SH3PXD2B: variants seen among roughly 807,000 people sequenced by gnomAD.
SH3PXD2B encodes the protein SH3 and PX domain-containing protein 2B.
SH3PXD2B carries 37 observed loss-of-function variants against 73.1 expected under a neutral mutation model. The ratio of observed to expected loss-of-function variants is 0.51; its 90% CI spans 0.39 to 0.67. The LOEUF is 0.67. Ranked by LOEUF, SH3PXD2B falls within the 30% of genes least tolerant of loss-of-function variation. The probability of loss-of-function intolerance (pLI) is 0.00; values close to 1 mark genes in which losing one functional copy is unlikely to be tolerated. For missense variants in SH3PXD2B, 1,053 were observed against 1,197.8 expected, an observed-to-expected ratio of 0.88 and a Z score of 1.78; for synonymous variants, 457 against 480.5, an observed-to-expected ratio of 0.95 and a Z score of 0.64.
Position 172,338,737 on chromosome 5 carries a change from C to T in SH3PXD2B, c.2368G>A (p.Ala790Thr), listed in dbSNP as rs1158134285. Residue 790 changes from alanine to threonine, a missense_variant, in exon 13 of 13, where the codon GCA (alanine) becomes ACA (threonine). By Grantham distance (58) the Ala-to-Thr change is moderately conservative. Around this residue, in one of 2 missense-constraint regions of SH3PXD2B, gnomAD observed 587 missense variants for 590.7 expected, o/e 0.99. Coordinates refer to ENST00000311601, the MANE Select transcript of SH3PXD2B (RefSeq NM_001017995.3). This position sits in a 1 kb window ranked among gnomAD's most constrained non-coding sequence, Gnocchi z 5.1. ...GPQCEGHESR[A>T]APTPGRALLV... ...AGAGCACGGCCTGGGGTGGGAGCTG[C>T]CCTGCTTTCGTGGCCTTCACACTGT... 6.2e-7 allele frequency: 1 copy of T among 1,614,092 alleles called. No homozygotes were observed. Among genetic ancestry groups the T allele is most frequent in the African/African-American group, 1.3e-5 (1 of 74,916 alleles).
intron 10 of SH3PXD2B, among the ~76,000 whole-genome samples, chr5:172,349,516 G>A (rs1581266538): frequency 6.6e-6 from 1 of 152,306 alleles, no homozygotes; most frequent in East Asian, 1.9e-4. Context: ...AGATGGGAGA[G>A]GCACTGTGTT....
At chr5:172,362,690 C>T (rs530502042) in intron 7 of SH3PXD2B, 45 bp downstream of exon 7, 2 of 1,613,832 alleles carry the variant, frequency 1.2e-6, no homozygotes, top group East Asian at 4.5e-5. Flanking sequence ...GTCCCAGGGG[C>T]TTGGTGGCAG....
At chr5:172,406,441 G>T in intron 2 of SH3PXD2B, 89 bp from the exon 3 acceptor site, 2 of 1,444,898 alleles carry the variant, frequency 1.4e-6, no homozygotes, top group Non-Finnish European at 1.9e-6. Flanking sequence ...TGTGAAATAT[G>T]TGATGTGATA....
chr5:172,448,664 G>C (rs1398640779), intron 1 of SH3PXD2B, among the ~76,000 whole-genome samples: 1 of 152,246 alleles, frequency 6.6e-6, no homozygotes, highest in Non-Finnish European at 1.5e-5. Context: ...AGCAGGGCTG[G>C]AGCACAGATT....
intron 1 of SH3PXD2B, 28 bp downstream of exon 1, chr5:172,454,250 G>A (rs1759876651): frequency 1.1e-5 from 17 of 1,585,666 alleles, no homozygotes; most frequent in Admixed American, 1.7e-5. Flanking sequence ...GCGGGCTCAA[G>A]GGGGCGTGGG....
intron 2 of SH3PXD2B, among the ~76,000 whole-genome samples, chr5:172,409,335 C>CAA (rs199927291): frequency 0.015 from 2,288 of 152,186 alleles, 54 homozygotes; most frequent in African/African-American, 0.052. Context: ...CGAGCCGAGA[C>CAA]CGCGCCATTG....
At chr5:172,389,859 C>A (rs926873720) in intron 4 of SH3PXD2B, among the ~76,000 whole-genome samples, 2 of 152,182 alleles carry the variant, frequency 1.3e-5, no homozygotes, top group Admixed American at 6.5e-5. Context: ...GAGGGATCAT[C>A]TGTCCCCACA....
Position 172,336,565 on chromosome 5 carries a change from G to C in SH3PXD2B, c.*1804C>G. ...TGGAGCTGGGAGGCGCGGCAGAAGA[G>C]GGCTGTTCAAGCAAAACTTTGGCAC... On this transcript the variant is annotated 3_prime_UTR_variant, in exon 13 of 13. Transcript: ENST00000311601. 1 of 986,132 alleles carries C rather than the reference G, an allele frequency of 1.0e-6. No homozygotes were observed. The highest frequency in any genetic ancestry group is 1.7e-5 in the African/African-American group (1 of 57,382). The allele number at this position is 986,132 out of a possible 1,614,324, so 61.1% of individuals were successfully genotyped here.
At chr5:172,408,413 C>T (rs1441032465) in intron 2 of SH3PXD2B, among the ~76,000 whole-genome samples, 2 of 151,944 alleles carry the variant, frequency 1.3e-5, no homozygotes, top group Admixed American at 6.6e-5. Flanking sequence ...GGACTATAGG[C>T]GTGTGCCACC....
intron 1 of SH3PXD2B, among the ~76,000 whole-genome samples, chr5:172,446,945 A>G (rs1759679032): frequency 6.6e-6 from 1 of 152,164 alleles, no homozygotes. Context: ...GGAAAGCCAC[A>G]TCCAGAGACC....
chr5:172,453,192 C>T (rs972637829), intron 1 of SH3PXD2B, among the ~76,000 whole-genome samples: 1 of 152,172 alleles, frequency 6.6e-6, no homozygotes, highest in Non-Finnish European at 1.5e-5. Flanking sequence ...ACGCCCTTTT[C>T]TATTCATTGT....
intron 1 of SH3PXD2B, among the ~76,000 whole-genome samples, chr5:172,453,828 G>A (rs2113529453): frequency 6.6e-6 from 1 of 152,304 alleles, no homozygotes; most frequent in African/African-American, 2.4e-5. Context: ...GAACCCTAGA[G>A]GGGCTACCTG....
intron 1 of SH3PXD2B, among the ~76,000 whole-genome samples, chr5:172,442,467 A>C (rs980750854): frequency 6.6e-6 from 1 of 152,218 alleles, no homozygotes; most frequent in Admixed American, 6.5e-5. Context: ...GTAAGGCTAT[A>C]TATATCATTT....
chr5:172,448,484 G>A (rs1274019978), intron 1 of SH3PXD2B, among the ~76,000 whole-genome samples: 1 of 152,164 alleles, frequency 6.6e-6, no homozygotes, highest in East Asian at 1.9e-4. Flanking sequence ...TACCCATGAG[G>A]CTGAGCATTG....
At chr5:172,356,373 T>C (rs1238252850) in intron 8 of SH3PXD2B, among the ~76,000 whole-genome samples, 1 of 152,204 alleles carries the variant, frequency 6.6e-6, no homozygotes, top group Non-Finnish European at 1.5e-5. Flanking sequence ...CCCCTTTTGC[T>C]TAACCCGGTT....
intron 1 of SH3PXD2B, among the ~76,000 whole-genome samples, chr5:172,448,610 G>T (rs1045180974): frequency 6.6e-6 from 1 of 152,184 alleles, no homozygotes; most frequent in Non-Finnish European, 1.5e-5. Context: ...TGAAGGTAAC[G>T]GTGGGTTGGA....
intron 2 of SH3PXD2B, 34 bp from the exon 3 acceptor site, chr5:172,406,386 T>A: frequency 6.2e-7 from 1 of 1,603,270 alleles, no homozygotes; most frequent in Non-Finnish European, 8.5e-7. Flanking sequence ...AACAAAAACC[T>A]TTCATAATGC....
intron 2 of SH3PXD2B, among the ~76,000 whole-genome samples, chr5:172,420,088 G>A (rs2113459962): frequency 6.6e-6 from 1 of 152,278 alleles, no homozygotes; most frequent in South Asian, 2.1e-4. Context: ...CATCCCCACT[G>A]TGATCCTCCC....
intron 7 of SH3PXD2B, among the ~76,000 whole-genome samples, chr5:172,362,082 A>T (rs1357076272): frequency 6.6e-6 from 1 of 152,154 alleles, no homozygotes; most frequent in African/African-American, 2.4e-5. Context: ...CATTTTTTTG[A>T]GCATCTACTG....
Sources: gnomAD v4.1 joint callset for allele counts (sites outside exome capture counted in the v4.1 genomes callset) on GRCh38, gnomAD v4.1.1 for gene constraint, gnomAD v4.1.1 regional missense constraint, Gnocchi (gnomAD v3.1) non-coding constraint, MANE v1.5 for transcripts, NCBI Gene and HGNC (gene_info 2026-07-23, HGNC 2026-07-21) for gene names.